LEKR1: variants seen among roughly 807,000 people sequenced by gnomAD.
LEKR1 encodes protein LEKR1.
A neutral mutation model predicts 72.4 loss-of-function variants in LEKR1; 59 were observed. The observed-to-expected ratio is 0.82, with a 90% CI of 0.66 to 1.01. The LOEUF is 1.01. Ranked by LOEUF, LEKR1 falls within the 50% of genes least tolerant of loss-of-function variation. The pLI is 0.00. For synonymous variants in LEKR1, 257 were observed against 263.2 expected, an observed-to-expected ratio of 0.98 and a Z score of 0.23; for missense variants, 728 against 759.2, an observed-to-expected ratio of 0.96 and a Z score of 0.48.
chr3:157,030,418 G>A (rs549392774), intron 12 of LEKR1, among the ~76,000 whole-genome samples: 1 of 152,260 alleles, frequency 6.6e-6, no homozygotes, highest in South Asian at 2.1e-4. Context: ...TTATGAATAA[G>A]ACTGACAACT....
rs552394837 is a variant in LEKR1, at chr3:156,852,864, A to G, written c.145A>G (p.Lys49Glu). 1 of 1,534,772 alleles carries G rather than the reference A, an allele frequency of 6.5e-7. No homozygotes were observed. The highest frequency in any genetic ancestry group is 1.2e-5 in the South Asian group (1 of 83,958). Reference protein sequence around the residue: ...AMEEKVKAMEKEMKFYQGSVD... With the variant: ...AMEEKVKAMEEEMKFYQGSVD... ...GGAAGAAAAAGTGAAAGCAATGGAA[A>G]AAGAGATGAAATTTTATCAAGGAAG... is the stretch of plus-strand genomic sequence containing the variant. The change falls in exon 3 of 13, where the codon AAA becomes GAA. Residue 49 changes from lysine (K) to glutamate (E), a missense_variant. Transcript: ENST00000356539.
intron 1 of LEKR1, among the ~76,000 whole-genome samples, chr3:156,828,255 C>T (rs1051335350): frequency 1.1e-4 from 16 of 152,178 alleles, no homozygotes; most frequent in African/African-American, 3.6e-4. Flanking sequence ...AAGATAATGC[C>T]ACTATAGGAC....
chr3:157,004,383 A>G (rs1436375197), intron 9 of LEKR1, among the ~76,000 whole-genome samples: 5 of 152,186 alleles, frequency 3.3e-5, no homozygotes. Context: ...ATTGTTAAAG[A>G]TGTCAATACC....
chr3:156,984,439 G>A (rs1730500121), intron 7 of LEKR1, among the ~76,000 whole-genome samples: 2 of 152,176 alleles, frequency 1.3e-5, no homozygotes, highest in South Asian at 4.1e-4. Flanking sequence ...CACTTTGGGA[G>A]GCTGAGGCGG....
chr3:156,894,194 G>C (rs1156269877), intron 3 of LEKR1, among the ~76,000 whole-genome samples: 1 of 152,164 alleles, frequency 6.6e-6, no homozygotes, highest in African/African-American at 2.4e-5. Flanking sequence ...CAGGAAAAGA[G>C]TAATGTCTCT....
chr3:156,939,141 A>C (rs774128326), intron 5 of LEKR1, among the ~76,000 whole-genome samples: 9 of 152,170 alleles, frequency 5.9e-5, no homozygotes, highest in Non-Finnish European at 1.3e-4. Context: ...TTAAAGTCCT[A>C]ATCTCCAGTA....
intron 2 of LEKR1, among the ~76,000 whole-genome samples, chr3:156,840,156 G>A (rs549764251): frequency 6.6e-6 from 1 of 152,044 alleles, no homozygotes; most frequent in Non-Finnish European, 1.5e-5. Context: ...TGCATTAATT[G>A]AATGTTTATA....
chr3:156,888,745 C>T (rs1720359901), intron 3 of LEKR1, among the ~76,000 whole-genome samples: 1 of 152,178 alleles, frequency 6.6e-6, no homozygotes, highest in African/African-American at 2.4e-5. Flanking sequence ...CATCATCCTT[C>T]TATGTCAGAC....
intron 9 of LEKR1, among the ~76,000 whole-genome samples, chr3:157,007,309 G>A (rs1230189895): frequency 1.3e-5 from 2 of 152,146 alleles, no homozygotes; most frequent in African/African-American, 4.8e-5. Context: ...GTGTCCCAAG[G>A]GCAAAACCTA....
At chr3:156,880,449 G>A (rs1185357309) in intron 3 of LEKR1, among the ~76,000 whole-genome samples, 3 of 152,218 alleles carry the variant, frequency 2.0e-5, no homozygotes, top group Non-Finnish European at 4.4e-5. Flanking sequence ...GACTAAACCA[G>A]TAAGAAGTTG....
At chr3:156,905,661 T>C (rs1722453950) in intron 3 of LEKR1, among the ~76,000 whole-genome samples, 1 of 152,202 alleles carries the variant, frequency 6.6e-6, no homozygotes, top group Non-Finnish European at 1.5e-5. Context: ...GAGTTGTTTC[T>C]GGTTGTATTA....
chr3:156,907,561 G>C (rs551697628), intron 3 of LEKR1, among the ~76,000 whole-genome samples: 1 of 151,680 alleles, frequency 6.6e-6, no homozygotes, highest in Non-Finnish European at 1.5e-5. Context: ...AATTTAAAAC[G>C]TACCCATTCT....
rs1434966483 is a variant in LEKR1, at chr3:156,993,222, AC to A, written c.1056del (p.Thr354LeufsTer3). ...CCTTGCAGAAAATGAACTGGAGATAACCAAAACTCTTCTGAATCAGACAAGG... is the reference window on the plus strand; with the variant it reads ...CCTTGCAGAAAATGAACTGGAGATAACAAAACTCTTCTGAATCAGACAAGG... Reference protein sequence around the residue: ...INLAENELEITKTLLNQTREE... With the variant: ...INLAENELEIXKTLLNQTREE... On this transcript the variant is annotated frameshift_variant, in exon 9 of 13. Transcript: ENST00000356539. LOFTEE classifies it high-confidence loss of function. 1.5e-5 allele frequency: 24 copies of A among 1,612,246 alleles called. No individual in the cohort carries two copies. The highest frequency in any genetic ancestry group is 2.0e-5 in the Non-Finnish European group (23 of 1,179,266).
intron 12 of LEKR1, among the ~76,000 whole-genome samples, chr3:157,040,579 G>A (rs1735276235): frequency 6.6e-6 from 1 of 152,132 alleles, no homozygotes; most frequent in Non-Finnish European, 1.5e-5. Flanking sequence ...TGGAAGCTGG[G>A]AACATCCTTT....
Position 156,896,744 on chromosome 3 carries a change from T to G in LEKR1, c.264-23831T>G, listed in dbSNP as rs562437715. Among the ~76,000 whole-genome samples the G allele has an allele frequency of 6.6e-5, 10 of 152,306 alleles. 1 individual carries two copies. In the South Asian group the frequency reaches 2.1e-3, roughly 32 times the overall value. ...TCTACCATTTATACATACATATGCA[T>G]GCATATGTCCATTGCAGCACCATTC... On this transcript the variant is annotated intron_variant, in intron 3 of 12. Coordinates refer to ENST00000356539, the MANE Select transcript of LEKR1 (RefSeq NM_001004316.3).
chr3:157,045,815 A>G lies in LEKR1; in HGVS notation c.*65A>G. 1 of 1,321,776 alleles carries G rather than the reference A, an allele frequency of 7.6e-7. No individual in the cohort carries two copies. The highest frequency in any genetic ancestry group is 1.1e-6 in the Non-Finnish European group (1 of 950,046). 81.9% of individuals were successfully genotyped at this position (1,321,776 alleles called of 1,614,324 possible). A position where few individuals can be genotyped will look rare whatever the true frequency, so the allele number is the denominator to read the frequency against. ...CTCTTTCAGAGAGTGCCAGGAATTC[A>G]CTGTAACTGAGAATGACAATGATAA... On this transcript the variant is annotated 3_prime_UTR_variant, in exon 13 of 13. Transcript: ENST00000356539.
intron 3 of LEKR1, among the ~76,000 whole-genome samples, chr3:156,897,721 G>C (rs944115827): frequency 6.6e-6 from 1 of 152,190 alleles, no homozygotes; most frequent in African/African-American, 2.4e-5. Context: ...GGGAGGCCAA[G>C]GCAGGTGGAT....
rs2108538139 is a variant in LEKR1, at chr3:156,852,952, A to G, written c.233A>G (p.Tyr78Cys). Reference protein sequence around the residue: ...LHSLSQELEQYKIDNKSKTER... With the variant: ...LHSLSQELEQCKIDNKSKTER... Reference sequence around the variant, plus strand: ...TCTCTTAGCCAAGAACTTGAACAGTACAAAATTGACAACAAATCCAAAACA... The same window carrying G: ...TCTCTTAGCCAAGAACTTGAACAGTGCAAAATTGACAACAAATCCAAAACA... The change falls in exon 3 of 13, where the codon TAC becomes TGC. Residue 78 changes from tyrosine (Y) to cysteine (C), a missense_variant. Coordinates refer to ENST00000356539, the MANE Select transcript of LEKR1 (RefSeq NM_001004316.3). 1.3e-6 allele frequency: 2 copies of G among 1,535,512 alleles called. No homozygotes were observed. The highest frequency in any genetic ancestry group is 1.7e-6 in the Non-Finnish European group (2 of 1,145,836).
chr3:156,984,125 T>A (rs1438166942), intron 7 of LEKR1, among the ~76,000 whole-genome samples: 1 of 152,138 alleles, frequency 6.6e-6, no homozygotes, highest in Admixed American at 6.5e-5. Context: ...AGAAAAATGA[T>A]CCCATTCATG....
Sources: gnomAD v4.1 joint callset for allele counts (sites outside exome capture counted in the v4.1 genomes callset) on GRCh38, gnomAD v4.1.1 for gene constraint, MANE v1.5 for transcripts, NCBI Gene and HGNC (gene_info 2026-07-23, HGNC 2026-07-21) for gene names.